MYRIP: variants seen among roughly 807,000 people sequenced by gnomAD.
MYRIP encodes rab effector MyRIP.
Under a neutral mutation model 98.0 loss-of-function variants are expected in MYRIP, and 49 were observed. The observed-to-expected ratio is 0.50, with a 90% CI of 0.40 to 0.63. The LOEUF is 0.63. MYRIP is among the 30% of genes least tolerant of loss of function. The pLI is 0.00. For synonymous variants in MYRIP, 404 were observed against 409.5 expected (o/e 0.99, Z 0.16); for missense variants, 1,004 against 1,058.2 (o/e 0.95, Z 0.71).
At chr3:39,821,260 G>A (rs1941094115) in intron 1 of MYRIP, among the ~76,000 whole-genome samples, 1 of 152,102 alleles carries the variant, frequency 6.6e-6, no homozygotes, top group South Asian at 2.1e-4. Flanking sequence ...CTTGTACATA[G>A]TGGGATAAGG....
At chr3:39,987,995 T>A (rs377175111) in intron 2 of MYRIP, among the ~76,000 whole-genome samples, 3 of 152,242 alleles carry the variant, frequency 2.0e-5, no homozygotes, top group African/African-American at 7.2e-5. Flanking sequence ...AGATGATGAG[T>A]TCATGTCCTT....
chr3:39,979,838 T>A (rs1177136589), intron 2 of MYRIP, among the ~76,000 whole-genome samples: 2 of 152,182 alleles, frequency 1.3e-5, no homozygotes, highest in African/African-American at 4.8e-5. Flanking sequence ...ATAAATACTT[T>A]GTCACCTTTA....
chr3:40,112,218 C>A (rs913193064), intron 3 of MYRIP, among the ~76,000 whole-genome samples: 1 of 127,270 alleles, frequency 7.9e-6, no homozygotes, highest in African/African-American at 3.1e-5. Flanking sequence ...TGGAATTCTA[C>A]AGGAATAGAG....
At chr3:40,163,783 A>G (rs1044429618) in intron 5 of MYRIP, among the ~76,000 whole-genome samples, 1 of 152,094 alleles carries the variant, frequency 6.6e-6, no homozygotes, top group African/African-American at 2.4e-5. Flanking sequence ...GGCCTCCTTA[A>G]TCACATGAGC....
chr3:39,953,519 A>G (rs1361501358), intron 2 of MYRIP, among the ~76,000 whole-genome samples: 1 of 152,162 alleles, frequency 6.6e-6, no homozygotes, highest in African/African-American at 2.4e-5. Flanking sequence ...AAAATCTGTA[A>G]CAGGTTTATC....
rs144591600 is a variant in MYRIP, at chr3:40,143,243, T to C, written c.333-7805T>C. Among the ~76,000 whole-genome samples, 387 of 152,324 alleles carry C rather than the reference T, an allele frequency of 2.5e-3. 3 individuals carry two copies. Among genetic ancestry groups the C allele is most frequent in the African/African-American group, 8.7e-3 (362 of 41,572 alleles). ...GTGAATGAACAAATAAATGAGTCCATGCACAGACGCAGGATTCCACCCTGT... is the reference window on the plus strand; with the variant it reads ...GTGAATGAACAAATAAATGAGTCCACGCACAGACGCAGGATTCCACCCTGT... On this transcript the variant is annotated intron_variant, in intron 3 of 16. Transcript: ENST00000302541.
rs1035314719 is a variant in MYRIP, at chr3:39,999,094, A to G, written c.111-44956A>G. On this transcript the variant is annotated intron_variant, in intron 2 of 16. Transcript: ENST00000302541. ...AAAACCCTAGAAGAAAACCTAGGCA[A>G]TACCATTCAGGACATAGGCATGGGC... Among the ~76,000 whole-genome samples, 3 of 152,314 alleles carry G rather than the reference A, an allele frequency of 2.0e-5. No individual in the cohort carries two copies. The East Asian group carries it at 5.8e-4, about 29-fold the overall frequency.
At chr3:39,865,543 G>A (rs6599053) in intron 1 of MYRIP, among the ~76,000 whole-genome samples, 92,398 of 152,032 alleles carry the variant, frequency 0.61, 28,552 homozygotes, top group African/African-American at 0.72. Context: ...TCAAAACAAG[G>A]CATACCCATG....
At chr3:39,966,266 C>T (rs1945440306) in intron 2 of MYRIP, among the ~76,000 whole-genome samples, 1 of 152,112 alleles carries the variant, frequency 6.6e-6, no homozygotes, top group African/African-American at 2.4e-5. Context: ...CTTTGGAAGG[C>T]AAGGGAGGGC....
chr3:40,083,910 G>A (rs1366092258), intron 3 of MYRIP, among the ~76,000 whole-genome samples: 1 of 151,984 alleles, frequency 6.6e-6, no homozygotes, highest in African/African-American at 2.4e-5. Context: ...GGCCAAGGTG[G>A]GCGGATTATG....
chr3:40,252,149 T>A (rs1953396292), intron 16 of MYRIP, 150 bp downstream of exon 16: 1 of 642,912 alleles, frequency 1.6e-6, no homozygotes, highest in Admixed American at 2.9e-5. Context: ...GACTGGGGGG[T>A]GGACTTAGCA....
chr3:39,894,135 T>C (rs765879440), intron 1 of MYRIP, among the ~76,000 whole-genome samples: 28 of 152,370 alleles, frequency 1.8e-4, no homozygotes, highest in Middle Eastern at 3.4e-3. Flanking sequence ...TACAAGATTG[T>C]ACTATTCATA....
rs1002897296 is a variant in MYRIP, at chr3:40,100,186, T to C, written c.333-50862T>C. On this transcript the variant is annotated intron_variant, in intron 3 of 16. Coordinates refer to ENST00000302541, the MANE Select transcript of MYRIP (RefSeq NM_015460.4). The stretch of plus-strand genomic sequence containing the variant: ...TGCCCTGTGTCCTGGCGTTTAATTA[T>C]TTCTCAAGACACGTGAGCTAAATTT... 1.8e-5 allele frequency: 18 copies of C among 985,322 alleles called. No homozygotes were observed. The South Asian group carries it at 5.2e-4, about 28-fold the overall frequency. 61.0% of individuals were successfully genotyped at this position (985,322 alleles called of 1,614,324 possible).
intron 2 of MYRIP, among the ~76,000 whole-genome samples, chr3:39,914,811 T>C (rs1944114093): frequency 6.6e-6 from 1 of 152,120 alleles, no homozygotes; most frequent in African/African-American, 2.4e-5. Context: ...AGAAAAATGG[T>C]ATTTCTAAAA....
chr3:40,230,975 G>C (rs1235131866), intron 11 of MYRIP, among the ~76,000 whole-genome samples: 2 of 152,086 alleles, frequency 1.3e-5, no homozygotes, highest in African/African-American at 4.8e-5. Context: ...ACAGGTGCCT[G>C]CCGCCACACC....
chr3:40,097,712 G>A (rs944753769), intron 3 of MYRIP, among the ~76,000 whole-genome samples: 2 of 152,174 alleles, frequency 1.3e-5, no homozygotes, highest in Admixed American at 6.5e-5. Flanking sequence ...AGTGTCCCAC[G>A]GGATGGTACC....
intron 1 of MYRIP, among the ~76,000 whole-genome samples, chr3:39,863,346 A>G (rs530118500): frequency 1.3e-5 from 2 of 152,294 alleles, no homozygotes; most frequent in East Asian, 1.9e-4. Flanking sequence ...AAACTATGCA[A>G]AAGATCAACA....
intron 1 of MYRIP, among the ~76,000 whole-genome samples, chr3:39,886,302 A>G (rs559037586): frequency 5.3e-5 from 8 of 152,004 alleles, no homozygotes; most frequent in African/African-American, 1.9e-4. Flanking sequence ...CTAACCAGCT[A>G]ACATCATAAT....
intron 12 of MYRIP, among the ~76,000 whole-genome samples, chr3:40,235,307 T>G (rs1487590996): frequency 6.6e-6 from 1 of 152,268 alleles, no homozygotes; most frequent in East Asian, 1.9e-4. Flanking sequence ...TCAACTACAT[T>G]TAAAATTACA....
Sources: allele counts gnomAD v4.1 joint callset (sites outside exome capture counted in the v4.1 genomes callset), GRCh38; gene constraint gnomAD v4.1.1; transcripts MANE v1.5; gene names NCBI Gene and HGNC (gene_info 2026-07-23, HGNC 2026-07-21).